Variants in RGPD2 observed in about 807,000 individuals in gnomAD.
The protein encoded by RGPD2 is RANBP2-like and GRIP domain-containing protein 2.
Under a neutral mutation model 36.0 loss-of-function variants are expected in RGPD2, and 2 were observed. The observed-to-expected ratio is 0.06, with a 90% confidence interval of 0.02 to 0.17. The LOEUF (loss-of-function observed/expected upper bound fraction) is 0.17. Among genes scored for constraint, RGPD2 ranks in the 10% least tolerant of loss-of-function variants. The probability of loss-of-function intolerance (pLI) is 1.00; values close to 1 mark genes in which losing one functional copy is unlikely to be tolerated. For missense variants in RGPD2, 40 were observed against 464.3 expected (o/e 0.09, Z 8.40); for synonymous variants, 19 against 163.8 (o/e 0.12, Z 6.75).
At chr2:87,897,833 A>T in the RGPD2 span, among the ~76,000 whole-genome samples, 3 of 151,856 alleles carry the variant, frequency 2.0e-5, no homozygotes, top group Admixed American at 6.6e-5. Flanking sequence ...TTTGCCCAAC[A>T]CTGAGAATTA....
chr2:87,952,711 A>C, the RGPD2 span, among the ~76,000 whole-genome samples: 1 of 152,186 alleles, frequency 6.6e-6, no homozygotes, highest in South Asian at 2.1e-4. Context: ...TTATTTGGAA[A>C]CTTGTCAATA....
chr2:87,939,548 C>T, the RGPD2 span, among the ~76,000 whole-genome samples: 1 of 151,938 alleles, frequency 6.6e-6, no homozygotes, highest in African/African-American at 2.4e-5. Flanking sequence ...GAAACACATG[C>T]TGTGTTCTAC....
the RGPD2 span, among the ~76,000 whole-genome samples, chr2:87,870,280 G>A: frequency 2.0e-5 from 3 of 152,264 alleles, no homozygotes; most frequent in Non-Finnish European, 4.4e-5. Context: ...TCTTGCATGT[G>A]CAATCGAGCC....
At chr2:87,972,863 A>G in the RGPD2 span, 3 of 1,611,180 alleles carry the variant, frequency 1.9e-6, no homozygotes, top group South Asian at 3.3e-5. Context: ...CATCCTCTTT[A>G]GCTGCTGTTG....
chr2:87,855,236 G>A, the RGPD2 span, among the ~76,000 whole-genome samples: 1 of 152,050 alleles, frequency 6.6e-6, no homozygotes, highest in East Asian at 1.9e-4. Context: ...ACTCATTTGT[G>A]TAAATATCAA....
chr2:87,985,702 A>G, the RGPD2 span: 3 of 1,536,352 alleles, frequency 2.0e-6, no homozygotes, highest in Non-Finnish European at 2.7e-6. Flanking sequence ...AATAACTCAT[A>G]AAGAAAACAA....
rs565204506 is a variant in RGPD2 at position 87,809,536 on chromosome 2, G to A, written c.779+1949C>T. ...ACAAAAAAATTAGCCGAGCGTGGTG[G>A]TGGGCGCCTGTAGTCCCAGCTACTC... On this transcript the variant is annotated intron_variant, in intron 6 of 22. Transcript: ENST00000398146. Among the ~76,000 whole-genome samples the A allele has an allele frequency of 1.2e-3, 168 of 139,518 alleles. No individual in the cohort carries two copies. In the South Asian group the frequency reaches 0.019, roughly 16 times the overall value. The allele number at this position is 139,518 out of a possible 152,430, so 91.5% of individuals were successfully genotyped here.
the RGPD2 span, among the ~76,000 whole-genome samples, chr2:87,853,021 G>A: frequency 1.3e-5 from 2 of 152,188 alleles, no homozygotes; most frequent in South Asian, 2.1e-4. Context: ...GCCCTTAGTA[G>A]GCACTTAGTA....
the RGPD2 span, among the ~76,000 whole-genome samples, chr2:87,981,212 ATC>A: frequency 2.8e-3 from 113 of 40,594 alleles, no homozygotes; most frequent in African/African-American, 9.2e-3. Flanking sequence ...ACAGTAAACT[ATC>A]TAACAATTCT....
chr2:87,886,956 T>G, the RGPD2 span, among the ~76,000 whole-genome samples: 5 of 151,768 alleles, frequency 3.3e-5, no homozygotes, highest in Admixed American at 6.6e-5. Flanking sequence ...GCCTGATGAT[T>G]GACCCGAGAG....
the RGPD2 span, among the ~76,000 whole-genome samples, chr2:87,986,294 C>A: frequency 1.3e-5 from 2 of 150,694 alleles, no homozygotes; most frequent in Admixed American, 1.3e-4. Flanking sequence ...GCCACTGCCC[C>A]AGGCTAATTT....
the RGPD2 span, among the ~76,000 whole-genome samples, chr2:87,973,429 C>A: frequency 1.5e-5 from 2 of 134,244 alleles, no homozygotes; most frequent in African/African-American, 5.3e-5. Context: ...AGATTCTGTA[C>A]CGCAGGTCTT....
chr2:87,761,963 GGATT>G (rs1297756357), intron 22 of RGPD2, among the ~76,000 whole-genome samples: 1 of 151,834 alleles, frequency 6.6e-6, no homozygotes, highest in African/African-American at 2.4e-5. Context: ...TGGCACCACA[GGATT>G]CATTCTGGAA....
the RGPD2 span, among the ~76,000 whole-genome samples, chr2:87,877,804 C>CAAAA: frequency 4.6e-3 from 390 of 84,476 alleles, 2 homozygotes; most frequent in East Asian, 7.6e-3. Flanking sequence ...GACTCCGTCT[C>CAAAA]AAAAAAAAAA....
the RGPD2 span, among the ~76,000 whole-genome samples, chr2:87,984,929 CAAAAAAAAAAAA>C: frequency 1.5e-5 from 1 of 68,694 alleles, no homozygotes; most frequent in Non-Finnish European, 2.7e-5. Flanking sequence ...CATTCTGTCT[CAAAAAAAAAAAA>C]AAAAAAAAAG....
chr2:87,973,259 C>A, the RGPD2 span, among the ~76,000 whole-genome samples: 3 of 149,502 alleles, frequency 2.0e-5, no homozygotes, highest in African/African-American at 7.4e-5. Flanking sequence ...GTGACCCCTG[C>A]CCCCACACCC....
At chr2:87,825,490 G>T (rs1270531794) in intron 1 of RGPD2, among the ~76,000 whole-genome samples, 168 bp downstream of exon 1, 1 of 69,872 alleles carries the variant, frequency 1.4e-5, no homozygotes, top group Non-Finnish European at 2.9e-5. Context: ...CGCCGCCGCC[G>T]CCCGGCCGAG....
the RGPD2 span, among the ~76,000 whole-genome samples, chr2:87,963,817 C>T: frequency 3.3e-5 from 4 of 122,410 alleles, no homozygotes; most frequent in Non-Finnish European, 6.5e-5. Flanking sequence ...AAGAGAGAAC[C>T]TTCTTTTCTT....
At chr2:87,929,084 T>C in the RGPD2 span, among the ~76,000 whole-genome samples, 3 of 152,022 alleles carry the variant, frequency 2.0e-5, no homozygotes, top group African/African-American at 7.2e-5. Flanking sequence ...TTTGCTTTTG[T>C]TGCAATAGGT....
Sources: allele counts gnomAD v4.1 joint callset (sites outside exome capture counted in the v4.1 genomes callset), GRCh38; gene constraint gnomAD v4.1.1; transcripts MANE v1.5; gene names NCBI Gene and HGNC (gene_info 2026-07-23, HGNC 2026-07-21).